The following GPHN variants were observed in gnomAD, a reference collection of about 807,000 sequenced individuals.
GPHN encodes the protein gephyrin.
Under a neutral mutation model 95.5 loss-of-function variants are expected in GPHN, and 17 were observed. The ratio of observed to expected loss-of-function variants is 0.18; its 90% CI spans 0.12 to 0.27. The LOEUF (loss-of-function observed/expected upper bound fraction) is 0.27. GPHN is among the 10% of genes least tolerant of loss of function. GPHN has a pLI of 1.00. For synonymous variants in GPHN, 320 were observed against 322.5 expected, an observed-to-expected ratio of 0.99 and a Z score of 0.08; for missense variants, 660 against 978.1, an observed-to-expected ratio of 0.67 and a Z score of 4.34.
At chr14:67,506,629 T>G in the GPHN span, among the ~76,000 whole-genome samples, 1 of 152,308 alleles carries the variant, frequency 6.6e-6, no homozygotes, top group South Asian at 2.1e-4. Context: ...CATTTGCTCC[T>G]CAACCTTGAA....
At chr14:67,578,236 A>G in the GPHN span, 48 of 1,585,072 alleles carry the variant, frequency 3.0e-5, no homozygotes, top group Non-Finnish European at 2.9e-5. The surrounding 1 kb of genome is among the most constrained non-coding windows in gnomAD (Gnocchi z 5.0). Flanking sequence ...GACAGAAGCC[A>G]TTGGCAAGGG....
the GPHN span, among the ~76,000 whole-genome samples, chr14:67,653,046 C>T: frequency 6.6e-6 from 1 of 152,190 alleles, no homozygotes; most frequent in South Asian, 2.1e-4. Context: ...GCTTCAGCCT[C>T]CCAAGGTGCT....
At chr14:66,696,390 T>C (rs1316309251) in intron 2 of GPHN, among the ~76,000 whole-genome samples, 1 of 152,242 alleles carries the variant, frequency 6.6e-6, no homozygotes, top group African/African-American at 2.4e-5. Flanking sequence ...TACTTTGGTC[T>C]ATTCCTCATG....
intron 5 of GPHN, among the ~76,000 whole-genome samples, chr14:66,915,528 C>G (rs2065859037): frequency 6.6e-6 from 1 of 152,180 alleles, no homozygotes; most frequent in Non-Finnish European, 1.5e-5. Context: ...CCAACCTCTT[C>G]CCTTCTGCCA....
At chr14:66,867,579 T>C (rs1161283365) in intron 4 of GPHN, among the ~76,000 whole-genome samples, 1 of 152,200 alleles carries the variant, frequency 6.6e-6, no homozygotes, top group Non-Finnish European at 1.5e-5. Flanking sequence ...AGAATACTTA[T>C]AGGAGCAGCC....
chr14:67,067,738 A>G (rs1001630538), intron 11 of GPHN, among the ~76,000 whole-genome samples: 1 of 152,152 alleles, frequency 6.6e-6, no homozygotes, highest in Non-Finnish European at 1.5e-5. Context: ...GCAAGGCTCC[A>G]TGGGTTTGGG....
chr14:67,505,377 G>A, the GPHN span, among the ~76,000 whole-genome samples: 1 of 152,178 alleles, frequency 6.6e-6, no homozygotes, highest in African/African-American at 2.4e-5. Flanking sequence ...CTGCAACTGG[G>A]AGGACATGGT....
the GPHN span, chr14:67,353,135 T>G: frequency 1.1e-6 from 1 of 926,904 alleles, no homozygotes; most frequent in Non-Finnish European, 1.6e-6. Context: ...CCTTTATCCT[T>G]TGATGTGATG....
At chr14:66,669,080 C>T (rs901867237) in intron 1 of GPHN, among the ~76,000 whole-genome samples, 2 of 151,848 alleles carry the variant, frequency 1.3e-5, no homozygotes, top group Non-Finnish European at 2.9e-5. Flanking sequence ...TAAGGTATTT[C>T]CAGCCGGGCA....
At chr14:67,322,274 G>T in the GPHN span, among the ~76,000 whole-genome samples, 1 of 152,220 alleles carries the variant, frequency 6.6e-6, no homozygotes, top group East Asian at 1.9e-4. Context: ...CCTGAGCCAG[G>T]GAGGCGGAGA....
chr14:67,470,084 T>G, the GPHN span, among the ~76,000 whole-genome samples: 77 of 151,982 alleles, frequency 5.1e-4, no homozygotes, highest in African/African-American at 1.7e-3. Context: ...TACCAGAGAG[T>G]GTCAGAGTAG....
the GPHN span, chr14:67,647,145 A>T: frequency 4.6e-5 from 32 of 695,462 alleles, no homozygotes; most frequent in Non-Finnish European, 7.1e-5. Context: ...CATAATTTTA[A>T]ATAGTTCAGA....
intron 3 of GPHN, among the ~76,000 whole-genome samples, chr14:66,794,651 A>T (rs1308000842): frequency 6.6e-6 from 1 of 152,196 alleles, no homozygotes; most frequent in Non-Finnish European, 1.5e-5. Context: ...GAAGTGCTTA[A>T]TACTTTTTCT....
the GPHN span, chr14:67,575,992 C>T: frequency 6.2e-7 from 1 of 1,611,640 alleles, no homozygotes; most frequent in Non-Finnish European, 8.5e-7. Context: ...CTCATTGGCA[C>T]CAAGCATGAA....
the GPHN span, among the ~76,000 whole-genome samples, chr14:67,602,452 G>A: frequency 6.6e-6 from 1 of 152,120 alleles, no homozygotes; most frequent in African/African-American, 2.4e-5. Context: ...CATATATCAT[G>A]TGTTTTATAA....
chr14:67,008,678 G>T (rs1306688037), intron 9 of GPHN, among the ~76,000 whole-genome samples: 1 of 151,872 alleles, frequency 6.6e-6, no homozygotes, highest in Admixed American at 6.6e-5. Context: ...CCAGATAGCT[G>T]GGACTACAAG....
At chr14:66,695,509 T>G (rs2068050790) in intron 2 of GPHN, among the ~76,000 whole-genome samples, 1 of 152,232 alleles carries the variant, frequency 6.6e-6, no homozygotes, top group Non-Finnish European at 1.5e-5. Flanking sequence ...TGCCCCTTGG[T>G]ATTTATCCAA....
chr14:66,994,184 G>A (rs1316707613), intron 9 of GPHN, among the ~76,000 whole-genome samples: 1 of 151,986 alleles, frequency 6.6e-6, no homozygotes, highest in Non-Finnish European at 1.5e-5. Context: ...TGGCCAACAT[G>A]GTGAAACCCC....
chr14:66,954,263 A>G (rs1316480600), intron 8 of GPHN, among the ~76,000 whole-genome samples: 4 of 152,296 alleles, frequency 2.6e-5, no homozygotes, highest in African/African-American at 7.2e-5. Context: ...ATTGCATTCC[A>G]TTAACACATA....
Sources: allele counts gnomAD v4.1 joint callset (sites outside exome capture counted in the v4.1 genomes callset), GRCh38; gene constraint gnomAD v4.1.1; non-coding constraint Gnocchi (gnomAD v3.1); transcripts MANE v1.5; gene names NCBI Gene and HGNC (gene_info 2026-07-23, HGNC 2026-07-21).